The following CLCN5 variants were observed in gnomAD, a reference collection of about 807,000 sequenced individuals.
CLCN5 encodes Cl-/H+ antiporter 5, also known as H(+)/Cl(-) exchange transporter 5.
CLCN5 carries 17 observed loss-of-function variants against 54.0 expected under a neutral mutation model. The observed-to-expected ratio is 0.31, with a 90% CI of 0.22 to 0.47. CLCN5 has a LOEUF of 0.47. Ranked by LOEUF, CLCN5 falls within the 20% of genes least tolerant of loss-of-function variation. The probability of loss-of-function intolerance (pLI) is 1.00; values close to 1 mark genes in which losing one functional copy is unlikely to be tolerated. For missense variants in CLCN5, 448 were observed against 646.7 expected (o/e 0.69, Z 3.33); for synonymous variants, 222 against 233.0 (o/e 0.95, Z 0.43).
intron 4 of CLCN5, among the ~76,000 whole-genome samples, chrX:50,064,763 C>CT (rs2147527131): frequency 1.0e-5 from 1 of 96,341 alleles, no homozygotes; most frequent in African/African-American, 4.0e-5. Flanking sequence ...TCAAACTATA[C>CT]TACAAGGCTA....
intron 3 of CLCN5, among the ~76,000 whole-genome samples, chrX:49,950,100 G>A (rs1557172789): frequency 8.9e-6 from 1 of 111,890 alleles, no homozygotes; most frequent in African/African-American, 3.2e-5. Flanking sequence ...TAAAGGAAGT[G>A]GTAGGGTGAA....
In CLCN5 at chrX:50,081,686, A is replaced by G. The variant is rs1557193176; in HGVS notation, c.772A>G (p.Lys258Glu). The part of the protein sequence containing the change: ...SGFIIRGYLG[K>E]WTLVIKTITL... ...TTTCATTATTAGGGGCTATTTGGGT[A>G]AGTGGACTCTGGTTATCAAAACCAT... Residue 258 changes from lysine to glutamate, a missense_variant, in exon 9 of 15, where the codon AAG (lysine) becomes GAG (glutamate). By Grantham distance (56) the Lys-to-Glu change is moderately conservative. Coordinates refer to ENST00000376091, the MANE Select transcript of CLCN5 (RefSeq NM_001127898.4). 8.3e-7 allele frequency: 1 copy of G among 1,210,930 alleles called. No homozygotes were observed.
At chrX:50,058,923 G>A (rs1384131164) in intron 4 of CLCN5, among the ~76,000 whole-genome samples, 1 of 110,956 alleles carries the variant, frequency 9.0e-6, no homozygotes, top group African/African-American at 3.3e-5. Context: ...GCCTTCCTTG[G>A]CAGCATATTT....
intron 3 of CLCN5, chrX:50,009,707 T>C: frequency 2.6e-6 from 1 of 386,763 alleles, no homozygotes; most frequent in Non-Finnish European, 5.2e-6. Flanking sequence ...TGCAGGTGCC[T>C]GAGTCTTCTG....
At chrX:50,074,072 A>G (rs1557191798) in intron 6 of CLCN5, among the ~76,000 whole-genome samples, 1 of 111,949 alleles carries the variant, frequency 8.9e-6, no homozygotes, top group African/African-American at 3.2e-5. Flanking sequence ...AGAAAAGATT[A>G]TATGACCTAG....
At chrX:49,983,917 A>G (rs782066181) in intron 3 of CLCN5, among the ~76,000 whole-genome samples, 133 of 110,003 alleles carry the variant, frequency 1.2e-3, no homozygotes, top group Non-Finnish European at 1.8e-3. Flanking sequence ...ATATTGTGCA[A>G]ATGGTGTTGT....
At chrX:50,052,579 C>T (rs1468856310) in intron 4 of CLCN5, among the ~76,000 whole-genome samples, 1 of 111,231 alleles carries the variant, frequency 9.0e-6, no homozygotes, top group Non-Finnish European at 1.9e-5. Context: ...GTGTTCTCTC[C>T]GCTACAGTTT....
intron 3 of CLCN5, among the ~76,000 whole-genome samples, chrX:50,012,841 C>T (rs1308569585): frequency 6.3e-5 from 7 of 111,674 alleles, no homozygotes; most frequent in Admixed American, 9.5e-5. Context: ...CTGATGCTCA[C>T]TTAAGTTTGA....
intron 3 of CLCN5, among the ~76,000 whole-genome samples, chrX:50,015,810 A>C (rs1174405867): frequency 1.8e-5 from 2 of 111,142 alleles, no homozygotes; most frequent in Non-Finnish European, 3.8e-5. Context: ...AGGTCAGCGT[A>C]GCAATACAGT....
chrX:50,039,881 C>T (rs782263946), intron 3 of CLCN5, among the ~76,000 whole-genome samples: 4 of 110,765 alleles, frequency 3.6e-5, no homozygotes, highest in African/African-American at 1.3e-4. Flanking sequence ...TTAGTAGAGG[C>T]GAGGTTTCAC....
At position 50,034,165 on chromosome X, in the gene CLCN5, T is replaced by A. The variant is rs781833825; in HGVS notation, c.17-8151T>A. ...TTTCTCAAAATAAAGTAACTAAAAC[T>A]GGAAATGGAGTATAAGCTAGATTAT... On this transcript the variant is annotated intron_variant, in intron 3 of 14. Transcript: ENST00000376091. 5.4e-5 allele frequency among the ~76,000 whole-genome samples: 6 copies of A among 112,091 alleles called. No individual in the cohort carries two copies. In the South Asian group the frequency reaches 1.9e-3, roughly 35 times the overall value.
chrX:50,004,578 G>T (rs897520094), intron 3 of CLCN5, among the ~76,000 whole-genome samples: 2 of 110,222 alleles, frequency 1.8e-5, no homozygotes, highest in African/African-American at 6.6e-5. Context: ...ATCTAAGGCC[G>T]CTTTTAAAAA....
chrX:50,048,235 C>A (rs1412124955), intron 4 of CLCN5, among the ~76,000 whole-genome samples: 2 of 112,554 alleles, frequency 1.8e-5, no homozygotes, highest in African/African-American at 6.5e-5. Flanking sequence ...CTCTGAGAAT[C>A]TAATGCCGCC....
At chrX:49,990,931 G>A (rs1394749781) in intron 3 of CLCN5, among the ~76,000 whole-genome samples, 1 of 112,432 alleles carries the variant, frequency 8.9e-6, no homozygotes, top group Non-Finnish European at 1.9e-5. Flanking sequence ...ATATGTATAT[G>A]CCACATTTTC....
intron 3 of CLCN5, among the ~76,000 whole-genome samples, chrX:49,937,009 C>T (rs1490258768): frequency 9.0e-6 from 1 of 111,520 alleles, no homozygotes; most frequent in Non-Finnish European, 1.9e-5. Flanking sequence ...GGAAAGATCA[C>T]TTGGGATCAG....
At chrX:50,056,079 C>G (rs1932737932) in intron 4 of CLCN5, among the ~76,000 whole-genome samples, 1 of 108,647 alleles carries the variant, frequency 9.2e-6, no homozygotes, top group South Asian at 4.0e-4. Context: ...TTTTTTGAAA[C>G]TTATTTTTCT....
intron 3 of CLCN5, among the ~76,000 whole-genome samples, chrX:49,938,083 C>T (rs1199225881): frequency 9.0e-6 from 1 of 111,351 alleles, no homozygotes; most frequent in Non-Finnish European, 1.9e-5. Flanking sequence ...TGTTCAGAGA[C>T]AAGAGTCACT....
At chrX:49,960,060 A>T (rs145812023) in intron 3 of CLCN5, among the ~76,000 whole-genome samples, 34 of 110,903 alleles carry the variant, frequency 3.1e-4, no homozygotes, top group African/African-American at 1.1e-3. Context: ...CATCACTTCC[A>T]GTTCCTTCCC....
intron 3 of CLCN5, among the ~76,000 whole-genome samples, chrX:50,002,857 A>G (rs1929936108): frequency 9.0e-6 from 1 of 111,431 alleles, no homozygotes; most frequent in African/African-American, 3.3e-5. Context: ...TCTGTAAAAT[A>G]GGGATAATGA....
Sources: gnomAD v4.1 joint callset for allele counts (sites outside exome capture counted in the v4.1 genomes callset) on GRCh38, gnomAD v4.1.1 for gene constraint, MANE v1.5 for transcripts, NCBI Gene and HGNC (gene_info 2026-07-23, HGNC 2026-07-21) for gene names.